The following HDLBP variants were observed in gnomAD, a reference collection of about 807,000 sequenced individuals.
The protein encoded by HDLBP is vigilin.
A neutral mutation model predicts 137.3 loss-of-function variants in HDLBP; 30 were observed. That is an observed-to-expected ratio of 0.22 (90% CI 0.16 to 0.30). The LOEUF is 0.30. Among genes scored for constraint, HDLBP ranks in the 10% least tolerant of loss-of-function variants. The pLI is 1.00. For missense variants in HDLBP, 1,119 were observed against 1,667.3 expected (o/e 0.67, Z 5.73); for synonymous variants, 606 against 596.0 (o/e 1.02, Z -0.24).
chr2:241,242,916 T>C, intron 16 of HDLBP: 1 of 550,098 alleles, frequency 1.8e-6, no homozygotes, highest in South Asian at 2.0e-5. Flanking sequence ...GGGAGGTGTT[T>C]AACTCAACAG....
In HDLBP at chr2:241,272,911, C is replaced by G. The variant is rs1054249171; in HGVS notation, c.-102-4370G>C. On this transcript the variant is annotated intron_variant, in intron 1 of 27. Transcript: ENST00000310931. This position sits in a 1 kb window ranked among gnomAD's most constrained non-coding sequence, Gnocchi z 5.6. ...TGGACACGTCAGCGCCCGCCCGCCC[C>G]GCCGCTGGGGTCCCCGCCGCCCCGG... 1.1e-5 allele frequency: 7 copies of G among 655,330 alleles called. No individual in the cohort carries two copies. Among genetic ancestry groups the G allele is most frequent in the Non-Finnish European group, 1.3e-5 (7 of 528,456 alleles). The allele number at this position is 655,330 out of a possible 1,614,324, so 40.6% of individuals were successfully genotyped here. A position where few individuals can be genotyped will look rare whatever the true frequency, so the allele number is the denominator to read the frequency against.
chr2:241,296,059 T>C (rs1392496117), intron 1 of HDLBP, among the ~76,000 whole-genome samples: 1 of 73,590 alleles, frequency 1.4e-5, no homozygotes, highest in South Asian at 3.8e-4. Flanking sequence ...AGGATTCTCC[T>C]AAAAATTCAC....
At chr2:241,306,773 T>G (rs570866797) in intron 1 of HDLBP, among the ~76,000 whole-genome samples, 3 of 151,324 alleles carry the variant, frequency 2.0e-5, no homozygotes, top group Admixed American at 6.6e-5. Flanking sequence ...TCCCAGCTAC[T>G]CAGGAGGCTG....
At chr2:241,271,214 A>T (rs1364645820) in intron 1 of HDLBP, 1 of 817,772 alleles carries the variant, frequency 1.2e-6, no homozygotes, top group Non-Finnish European at 1.5e-6. Flanking sequence ...TACTTTTCCC[A>T]TAGGAAGCTC....
At chr2:241,262,348 C>T (rs1463983546) in intron 5 of HDLBP, among the ~76,000 whole-genome samples, 1 of 152,094 alleles carries the variant, frequency 6.6e-6, no homozygotes, top group East Asian at 1.9e-4. Context: ...AACTGGGAGG[C>T]TAGGTGGATT....
intron 21 of HDLBP, 78 bp from the exon 22 acceptor site, chr2:241,235,672 C>A (rs1053690855): frequency 3.0e-5 from 30 of 988,170 alleles, no homozygotes; most frequent in Non-Finnish European, 4.6e-5. Context: ...TGGGGCTCCA[C>A]GAAACACAAG....
intron 20 of HDLBP, among the ~76,000 whole-genome samples, chr2:241,237,882 C>T (rs1456014518): frequency 6.6e-6 from 1 of 152,164 alleles, no homozygotes; most frequent in African/African-American, 2.4e-5. Flanking sequence ...GTTTCCTACT[C>T]AAAACACCCT....
chr2:241,240,950 T>C lies in HDLBP; in HGVS notation c.2170-828A>G, dbSNP rs752637074. On this transcript the variant is annotated intron_variant, in intron 17 of 27. Coordinates refer to ENST00000310931, the MANE Select transcript of HDLBP (RefSeq NM_005336.6). The surrounding 1 kb of genome is among the most constrained non-coding windows in gnomAD (Gnocchi z 5.5). ...AGAAAAACATGCTAGCACAAAAATA[T>C]TAAATAACAACTTTGCTACCTTTTA... Among the ~76,000 whole-genome samples the C allele has an allele frequency of 3.3e-5, 5 of 152,092 alleles. No homozygotes were observed. Among genetic ancestry groups the C allele is most frequent in the Non-Finnish European group, 7.4e-5 (5 of 68,006 alleles).
chr2:241,303,660 A>G (rs2149702196), intron 1 of HDLBP, among the ~76,000 whole-genome samples: 1 of 152,326 alleles, frequency 6.6e-6, no homozygotes, highest in South Asian at 2.1e-4. Flanking sequence ...TTCAACAGTC[A>G]TCCAAGAATA....
At position 241,227,697 on chromosome 2, in the gene HDLBP, G is replaced by A. The variant is rs1460049848; in HGVS notation, c.*1904C>T. Reference sequence around the variant, plus strand: ...CTTTGGGAGAGGGTAGGGGCAGGATGTTTTATGACACTGTAGAAAAGACAG... The same window carrying A: ...CTTTGGGAGAGGGTAGGGGCAGGATATTTTATGACACTGTAGAAAAGACAG... On this transcript the variant is annotated 3_prime_UTR_variant, in exon 28 of 28. Coordinates refer to ENST00000310931, the MANE Select transcript of HDLBP (RefSeq NM_005336.6). 1 of 152,636 alleles carries A rather than the reference G, an allele frequency of 6.6e-6. No individual in the cohort carries two copies. Among genetic ancestry groups the A allele is most frequent in the Non-Finnish European group, 1.5e-5 (1 of 68,056 alleles). The allele number at this position is 152,636 out of a possible 1,614,324, so 9.5% of individuals were successfully genotyped here. A position where few individuals can be genotyped will look rare whatever the true frequency, so the allele number is the denominator to read the frequency against.
chr2:241,293,645 T>G (rs1349897907), intron 1 of HDLBP, among the ~76,000 whole-genome samples: 1 of 149,246 alleles, frequency 6.7e-6, no homozygotes, highest in Non-Finnish European at 1.5e-5. Flanking sequence ...ACAGGCCAAG[T>G]GCAGTGACTC....
rs1365382789 is a variant in HDLBP, at chr2:241,256,580, G to A, written c.657+20C>T. On this transcript the variant is annotated intron_variant, in intron 6 of 27. Coordinates refer to ENST00000310931, the MANE Select transcript of HDLBP (RefSeq NM_005336.6). ...CACAAGCAGGTAGGCAGGGGCACGA[G>A]GCACTCACACAGGCCTCACCTGCTC... 3 of 1,610,756 alleles carry A rather than the reference G, an allele frequency of 1.9e-6. No homozygotes were observed. The highest frequency in any genetic ancestry group is 1.7e-5 in the Admixed American group (1 of 60,004).
At chr2:241,315,066 TGCTCGTGG>T (rs2075987044) in intron 1 of HDLBP, 2 of 152,024 alleles carry the variant, frequency 1.3e-5, no homozygotes, top group Non-Finnish European at 2.9e-5. Flanking sequence ...GCCACGTCGC[TGCTCGTGG>T]GCTCGCGGAG....
intron 16 of HDLBP, among the ~76,000 whole-genome samples, chr2:241,244,003 G>A (rs1003992693): frequency 6.6e-6 from 1 of 152,070 alleles, no homozygotes; most frequent in African/African-American, 2.4e-5. Context: ...TATTGTCTAT[G>A]GCCAAAAGCA....
chr2:241,254,314 AC>A (rs1240988767), intron 9 of HDLBP, among the ~76,000 whole-genome samples: 4 of 152,170 alleles, frequency 2.6e-5, no homozygotes, highest in Non-Finnish European at 5.9e-5. Context: ...AAGGACTGTA[AC>A]ATTAATTGGA....
intron 1 of HDLBP, among the ~76,000 whole-genome samples, chr2:241,271,592 T>A (rs1015232702): frequency 1.3e-5 from 2 of 152,174 alleles, no homozygotes; most frequent in African/African-American, 4.8e-5. Context: ...TGTGATAAGT[T>A]TTGCCAACTA....
At chr2:241,231,241 G>A (rs556913929) in intron 24 of HDLBP, 5 of 280,348 alleles carry the variant, frequency 1.8e-5, no homozygotes, top group African/African-American at 6.5e-5. Flanking sequence ...AATATTAGCC[G>A]GGCGTGGTGG....
chr2:241,301,661 GTCT>G (rs997465445), intron 1 of HDLBP, among the ~76,000 whole-genome samples: 8 of 152,008 alleles, frequency 5.3e-5, no homozygotes, highest in Admixed American at 4.6e-4. Flanking sequence ...ACACACTTCA[GTCT>G]TCTATTTACA....
At chr2:241,279,560 C>G (rs192591190) in intron 1 of HDLBP, among the ~76,000 whole-genome samples, 22 of 152,174 alleles carry the variant, frequency 1.4e-4, no homozygotes, top group African/African-American at 4.6e-4. Flanking sequence ...GTGGGCCCAA[C>G]GCAGACACCA....
Sources: allele counts gnomAD v4.1 joint callset (sites outside exome capture counted in the v4.1 genomes callset), GRCh38; gene constraint gnomAD v4.1.1; non-coding constraint Gnocchi (gnomAD v3.1); transcripts MANE v1.5; gene names NCBI Gene and HGNC (gene_info 2026-07-23, HGNC 2026-07-21).